The following CADPS variants were observed in gnomAD, a reference collection of about 807,000 sequenced individuals.
CADPS encodes calcium dependent secretion activator.
In CADPS, 57 loss-of-function variants were observed where a neutral mutation model predicts 167.3. The ratio of observed to expected loss-of-function variants is 0.34; its 90% CI spans 0.28 to 0.42. The LOEUF (loss-of-function observed/expected upper bound fraction) is 0.42, where lower values mean the gene tolerates loss of function less well. CADPS is among the 20% of genes least tolerant of loss of function. The pLI is 1.00. For synonymous variants in CADPS, 676 were observed against 635.3 expected (o/e 1.06, Z -0.96); for missense variants, 1,414 against 1,738.1 (o/e 0.81, Z 3.32).
chr3:62,524,752 T>C (rs909934776), intron 13 of CADPS, among the ~76,000 whole-genome samples: 1 of 152,204 alleles, frequency 6.6e-6, no homozygotes, highest in African/African-American at 2.4e-5. Flanking sequence ...TTAGTCAAAG[T>C]GGCTCAGGCT....
chr3:62,431,376 G>GT, intron 28 of CADPS, among the ~76,000 whole-genome samples: 1 of 152,060 alleles, frequency 6.6e-6, no homozygotes, highest in African/African-American at 2.4e-5. Context: ...GCCTCTGTGA[G>GT]TTTTTTACAG....
chr3:62,644,906 C>T (rs2150051765), intron 6 of CADPS, among the ~76,000 whole-genome samples: 1 of 152,232 alleles, frequency 6.6e-6, no homozygotes, highest in Admixed American at 6.5e-5. Flanking sequence ...ATATTTGTGC[C>T]ATTACTTTCT....
At chr3:62,790,331 T>C (rs977895462) in intron 1 of CADPS, among the ~76,000 whole-genome samples, 3 of 152,162 alleles carry the variant, frequency 2.0e-5, no homozygotes, top group Non-Finnish European at 2.9e-5. Flanking sequence ...ATTCCTATGA[T>C]GAATAAGTAC....
chr3:62,709,821 G>A (rs985351547), intron 3 of CADPS, among the ~76,000 whole-genome samples: 2 of 152,010 alleles, frequency 1.3e-5, no homozygotes, highest in Non-Finnish European at 2.9e-5. Flanking sequence ...CCAGGCTGGA[G>A]TGCAGTGGTG....
chr3:62,716,408 C>A (rs1465687705), intron 3 of CADPS, among the ~76,000 whole-genome samples: 2 of 152,186 alleles, frequency 1.3e-5, no homozygotes, highest in Non-Finnish European at 2.9e-5. Context: ...CTGGAAAAAT[C>A]TAGAAAGCTT....
rs2054062418 is a variant in CADPS, at chr3:62,431,952, T to C, written c.3777+6152A>G. On this transcript the variant is annotated intron_variant, in intron 28 of 29. Transcript: ENST00000383710. ...TGGGAACACAACATTTTAATCTTCTTATTTTTTGGTTAGCCATATTTTCTA... is the reference window on the plus strand; with the variant it reads ...TGGGAACACAACATTTTAATCTTCTCATTTTTTGGTTAGCCATATTTTCTA... 2.0e-5 allele frequency among the ~76,000 whole-genome samples: 3 copies of C among 152,118 alleles called. No individual in the cohort carries two copies. The East Asian group carries it at 5.8e-4, about 29-fold the overall frequency.
chr3:62,797,858 G>C (rs1013856382), intron 1 of CADPS, among the ~76,000 whole-genome samples: 1 of 151,844 alleles, frequency 6.6e-6, no homozygotes, highest in Non-Finnish European at 1.5e-5. Context: ...TTTCCTGAAA[G>C]TAATCTATAA....
chr3:62,528,280 T>C (rs140047137), intron 13 of CADPS, among the ~76,000 whole-genome samples: 1 of 152,334 alleles, frequency 6.6e-6, no homozygotes, highest in East Asian at 1.9e-4. Flanking sequence ...CAGTTATTTG[T>C]TATGAGTTTC....
Position 62,516,561 on chromosome 3 carries a change from C to G in CADPS, c.2457+19G>C. On this transcript the variant is annotated intron_variant, in intron 15 of 29. Coordinates refer to ENST00000383710, the MANE Select transcript of CADPS (RefSeq NM_003716.4). ...GTCTTTTTATATATATGTGATCTAT[C>G]TTTTACTTTCATTCTTACCCTTTCC... 3 of 1,567,598 alleles carry G rather than the reference C, an allele frequency of 1.9e-6. No individual in the cohort carries two copies. Among genetic ancestry groups the G allele is most frequent in the Non-Finnish European group, 2.6e-6 (3 of 1,146,028 alleles).
At chr3:62,788,755 C>A (rs1394981936) in intron 1 of CADPS, among the ~76,000 whole-genome samples, 1 of 152,142 alleles carries the variant, frequency 6.6e-6, no homozygotes, top group African/African-American at 2.4e-5. Flanking sequence ...TTTTTGTACT[C>A]TACCAGAGAG....
intron 13 of CADPS, among the ~76,000 whole-genome samples, chr3:62,531,927 A>G (rs1012176865): frequency 6.6e-6 from 1 of 152,222 alleles, no homozygotes; most frequent in Non-Finnish European, 1.5e-5. Flanking sequence ...CTAAAGAAAG[A>G]GAGTACTTAG....
chr3:62,592,739 G>T lies in CADPS; in HGVS notation c.1335C>A (p.Thr445=). ...QAEASKPTWG[T]QGDFSTTHAL... ...CATGGGTTGTGGAGAAGTCACCCTG[G>T]GTGCCCCAGCTGCAGACAGAATCAA... is the stretch of plus-strand genomic sequence containing the variant. The change falls in exon 7 of 30, where the codon ACC becomes ACA. Residue 445 remains threonine, a synonymous_variant. Transcript: ENST00000383710. 6.2e-7 allele frequency: 1 copy of T among 1,613,554 alleles called. No individual in the cohort carries two copies. The highest frequency in any genetic ancestry group is 8.5e-7 in the Non-Finnish European group (1 of 1,179,564).
At chr3:62,657,998 G>A (rs962180940) in intron 4 of CADPS, among the ~76,000 whole-genome samples, 10 of 152,156 alleles carry the variant, frequency 6.6e-5, no homozygotes, top group Admixed American at 6.5e-5. Flanking sequence ...TGGATAAGCT[G>A]CAGGGAACAC....
chr3:62,606,300 T>C (rs1333316766), intron 6 of CADPS, among the ~76,000 whole-genome samples: 2 of 152,172 alleles, frequency 1.3e-5, no homozygotes, highest in Admixed American at 6.5e-5. Context: ...TAAGAGGTGA[T>C]TGGGTCATGA....
At chr3:62,642,852 A>T (rs1488006190) in intron 6 of CADPS, among the ~76,000 whole-genome samples, 1 of 152,114 alleles carries the variant, frequency 6.6e-6, no homozygotes, top group South Asian at 2.1e-4. Flanking sequence ...CCAAGGCTGC[A>T]GTGAGCTGTG....
At position 62,481,789 on chromosome 3, in the gene CADPS, G is replaced by A. The variant is rs761244804; in HGVS notation, c.3107C>T (p.Pro1036Leu). ...PKVPNLPVNI[P>L]LGIPQMPTFS... ...AGTAGGCATTTGTGGGATGCCTAGA[G>A]GGATGTTAACTGGTAGATTTGGTAC... Residue 1036 changes from proline (P) to leucine (L), a missense_variant, in exon 22 of 30, where the codon CCT (proline) becomes CTT (leucine). Physicochemically the swap from Pro to Leu is moderately conservative, Grantham distance 98. Around this residue, in one of 6 missense-constraint regions of CADPS, gnomAD observed 529 missense variants for 629.6 expected, o/e 0.84. Coordinates refer to ENST00000383710, the MANE Select transcript of CADPS (RefSeq NM_003716.4). 1.2e-6 allele frequency: 2 copies of A among 1,611,586 alleles called. No homozygotes were observed. The highest frequency in any genetic ancestry group is 1.7e-5 in the Admixed American group (1 of 59,546).
In CADPS at chr3:62,486,801, C is replaced by G. The variant is rs112824047; in HGVS notation, c.3026+4538G>C. On this transcript the variant is annotated intron_variant, in intron 21 of 29. Coordinates refer to ENST00000383710, the MANE Select transcript of CADPS (RefSeq NM_003716.4). The stretch of plus-strand genomic sequence containing the variant: ...CTGTGACTGCTCCTGCAGAGCAGGG[C>G]TTTCCCACAGGCAGTGTGCTTGGAG... Among the ~76,000 whole-genome samples, 839 of 152,344 alleles carry G rather than the reference C, an allele frequency of 5.5e-3. 13 individuals are homozygous for G. The highest frequency in any genetic ancestry group is 0.018 in the African/African-American group (738 of 41,576).
At chr3:62,719,990 C>T (rs186126970) in intron 3 of CADPS, among the ~76,000 whole-genome samples, 7 of 152,250 alleles carry the variant, frequency 4.6e-5, no homozygotes, top group Admixed American at 1.3e-4. Flanking sequence ...CATTTGAAAA[C>T]GGGGCTGCAC....
intron 27 of CADPS, among the ~76,000 whole-genome samples, chr3:62,443,052 T>C (rs2056618182): frequency 6.6e-6 from 1 of 152,242 alleles, no homozygotes; most frequent in Non-Finnish European, 1.5e-5. Flanking sequence ...AAGTCATTAA[T>C]AGCTGGTAAA....
Sources: gnomAD v4.1 joint callset for allele counts (sites outside exome capture counted in the v4.1 genomes callset) on GRCh38, gnomAD v4.1.1 for gene constraint, gnomAD v4.1.1 regional missense constraint, MANE v1.5 for transcripts, NCBI Gene and HGNC (gene_info 2026-07-23, HGNC 2026-07-21) for gene names.